Variants in ABTB3 observed in about 807,000 individuals in gnomAD.
The protein encoded by ABTB3 is ankyrin repeat- and BTB/POZ domain-containing protein 3.
At chr12:107,507,472 C>G in the ABTB3 span, among the ~76,000 whole-genome samples, 5 of 152,166 alleles carry the variant, frequency 3.3e-5, no homozygotes, top group African/African-American at 1.2e-4. Context: ...CTCCCTCCCT[C>G]TGATGGTTAT....
the ABTB3 span, among the ~76,000 whole-genome samples, chr12:107,500,452 C>T: frequency 1.3e-5 from 2 of 152,208 alleles, no homozygotes; most frequent in Admixed American, 1.3e-4. Context: ...GCAGTCTCTC[C>T]ATTAGTTTGA....
chr12:107,508,451 T>TC, the ABTB3 span, among the ~76,000 whole-genome samples: 3 of 121,876 alleles, frequency 2.5e-5, no homozygotes, highest in Admixed American at 2.5e-4. Flanking sequence ...TTTTTTTTTT[T>TC]TTTTTTTTTT....
the ABTB3 span, among the ~76,000 whole-genome samples, chr12:107,523,459 ATT>A: frequency 1.3e-5 from 2 of 152,218 alleles, no homozygotes; most frequent in Non-Finnish European, 2.9e-5. Context: ...TCAGAATAAT[ATT>A]TTTAAATGCA....
the ABTB3 span, chr12:107,620,128 C>T: frequency 3.1e-6 from 5 of 1,614,184 alleles, no homozygotes; most frequent in Non-Finnish European, 4.2e-6. Context: ...TTACCCAAGG[C>T]CTGCCCCTGA....
At chr12:107,543,789 C>T in the ABTB3 span, 1 of 677,626 alleles carries the variant, frequency 1.5e-6, no homozygotes, top group East Asian at 2.7e-5. Flanking sequence ...TTCCTCTCTG[C>T]TTGGTGAGTG....
At chr12:107,362,088 C>A in the ABTB3 span, among the ~76,000 whole-genome samples, 1 of 152,166 alleles carries the variant, frequency 6.6e-6, no homozygotes, top group Non-Finnish European at 1.5e-5. Flanking sequence ...AAATGTTTGT[C>A]GTTTGAGCTA....
chr12:107,366,358 T>C, the ABTB3 span, among the ~76,000 whole-genome samples: 1 of 152,076 alleles, frequency 6.6e-6, no homozygotes, highest in African/African-American at 2.4e-5. Context: ...AATAGAAGAC[T>C]GAACATGTTC....
At chr12:107,360,898 C>T in the ABTB3 span, among the ~76,000 whole-genome samples, 3 of 151,152 alleles carry the variant, frequency 2.0e-5, no homozygotes, top group African/African-American at 4.9e-5. Context: ...GGACTATAGA[C>T]ATGCGCCACC....
the ABTB3 span, among the ~76,000 whole-genome samples, chr12:107,555,632 A>G: frequency 6.6e-6 from 1 of 152,228 alleles, no homozygotes; most frequent in Non-Finnish European, 1.5e-5. Context: ...ACTGTCCAGC[A>G]TGGTCACCAC....
the ABTB3 span, among the ~76,000 whole-genome samples, chr12:107,459,856 T>G: frequency 1.3e-5 from 2 of 152,004 alleles, no homozygotes; most frequent in African/African-American, 4.8e-5. Flanking sequence ...CCCTCCAGAG[T>G]GCCCCCTACA....
chr12:107,473,057 GC>G, the ABTB3 span, among the ~76,000 whole-genome samples: 1 of 152,202 alleles, frequency 6.6e-6, no homozygotes, highest in Non-Finnish European at 1.5e-5. Flanking sequence ...TAAGCAAGGG[GC>G]TGAGTGAGGA....
chr12:107,651,572 T>C, the ABTB3 span: 1 of 725,698 alleles, frequency 1.4e-6, no homozygotes, highest in East Asian at 2.8e-5. Flanking sequence ...GACACTGCTG[T>C]GGAAGGTGAA....
At chr12:107,640,301 C>A in the ABTB3 span, 2 of 1,486,956 alleles carry the variant, frequency 1.3e-6, no homozygotes, top group South Asian at 1.2e-5. Flanking sequence ...TTTTCCCTTT[C>A]CTATTCCAGA....
the ABTB3 span, chr12:107,649,691 C>T: frequency 5.6e-6 from 1 of 178,934 alleles, no homozygotes; most frequent in Non-Finnish European, 1.2e-5. Context: ...AATTATATCC[C>T]CTAAAAACAT....
the ABTB3 span, among the ~76,000 whole-genome samples, chr12:107,391,215 C>T: frequency 6.6e-6 from 1 of 152,128 alleles, no homozygotes; most frequent in Non-Finnish European, 1.5e-5. Context: ...TGGGTGCCAT[C>T]AATATTGCTG....
At chr12:107,360,917 C>G in the ABTB3 span, among the ~76,000 whole-genome samples, 1 of 121,542 alleles carries the variant, frequency 8.2e-6, no homozygotes, top group African/African-American at 3.3e-5. Flanking sequence ...CCATGCCCAG[C>G]TAATTTAATT....
the ABTB3 span, among the ~76,000 whole-genome samples, chr12:107,456,231 G>C: frequency 6.6e-6 from 1 of 152,204 alleles, no homozygotes; most frequent in African/African-American, 2.4e-5. Context: ...GCACAGAAAG[G>C]TTATGTAACT....
chr12:107,451,326 G>T, the ABTB3 span, among the ~76,000 whole-genome samples: 1 of 152,174 alleles, frequency 6.6e-6, no homozygotes. Context: ...AACTCCAAAG[G>T]TGAATCTGTA....
At chr12:107,520,747 C>T in the ABTB3 span, 7 of 1,358,800 alleles carry the variant, frequency 5.2e-6, no homozygotes, top group South Asian at 2.7e-5. Context: ...TTGTAATCAG[C>T]GGGGTGACAC....
Sources: allele counts gnomAD v4.1 joint callset (sites outside exome capture counted in the v4.1 genomes callset), GRCh38; gene constraint gnomAD v4.1.1; transcripts MANE v1.5; gene names NCBI Gene and HGNC (gene_info 2026-07-23, HGNC 2026-07-21).